Variants in FMNL2 observed in about 807,000 individuals in gnomAD.
FMNL2 encodes the protein formin-like protein 2.
A neutral mutation model predicts 130.2 loss-of-function variants in FMNL2; 51 were observed. That is an observed-to-expected ratio of 0.39 (90% confidence interval 0.31 to 0.49). The LOEUF (loss-of-function observed/expected upper bound fraction) is 0.49. Among genes scored for constraint, FMNL2 ranks in the 20% least tolerant of loss-of-function variants. The probability of loss-of-function intolerance (pLI) is 0.85; values close to 1 mark genes in which losing one functional copy is unlikely to be tolerated. For synonymous variants in FMNL2, 465 were observed against 467.1 expected (o/e 1.00, Z 0.06); for missense variants, 977 against 1,316.2 (o/e 0.74, Z 3.99).
At chr2:152,540,072 A>C (rs1476837486) in intron 2 of FMNL2, among the ~76,000 whole-genome samples, 1 of 152,196 alleles carries the variant, frequency 6.6e-6, no homozygotes, top group East Asian at 1.9e-4. Flanking sequence ...CCTGGGTGAC[A>C]GAGTGAGACT....
intron 1 of FMNL2, among the ~76,000 whole-genome samples, chr2:152,447,051 T>TA (rs1013165121): frequency 1.3e-4 from 20 of 151,086 alleles, no homozygotes; most frequent in Non-Finnish European, 8.9e-5. Context: ...GAGAAGAGTT[T>TA]AAAAAAAAGA....
intron 1 of FMNL2, among the ~76,000 whole-genome samples, chr2:152,359,998 G>GA (rs917801265): frequency 2.0e-5 from 3 of 152,182 alleles, no homozygotes; most frequent in Non-Finnish European, 4.4e-5. Context: ...GGAGGGCCTG[G>GA]AGTAGATACA....
rs1055307360 is a variant in FMNL2 at position 152,524,996 on chromosome 2, G to A, written c.201+2970G>A. Reference sequence around the variant, plus strand: ...GAGGAGCATGTGGAGTGAAGTGCGCGTCCCTTCGCCTTTCCTATCTGTTTC... The same window carrying A: ...GAGGAGCATGTGGAGTGAAGTGCGCATCCCTTCGCCTTTCCTATCTGTTTC... On this transcript the variant is annotated intron_variant, in intron 2 of 25. Coordinates refer to ENST00000288670, the MANE Select transcript of FMNL2 (RefSeq NM_052905.4). Among the ~76,000 whole-genome samples, 7 of 152,114 alleles carry A rather than the reference G, an allele frequency of 4.6e-5. No homozygotes were observed. In the East Asian group the frequency reaches 5.8e-4, roughly 13 times the overall value.
chr2:152,524,931 A>G (rs1028685669), intron 2 of FMNL2, among the ~76,000 whole-genome samples: 3 of 152,108 alleles, frequency 2.0e-5, no homozygotes, highest in South Asian at 2.1e-4. Context: ...TACTTTTTCT[A>G]TTGAAAAAGT....
intron 1 of FMNL2, among the ~76,000 whole-genome samples, chr2:152,432,940 A>G (rs927192432): frequency 6.6e-6 from 1 of 152,194 alleles, no homozygotes; most frequent in Admixed American, 6.5e-5. Flanking sequence ...TTCAGGTTGC[A>G]TGGCAGGCAT....
At chr2:152,356,495 T>C (rs983047730) in intron 1 of FMNL2, among the ~76,000 whole-genome samples, 3 of 152,212 alleles carry the variant, frequency 2.0e-5, no homozygotes. Flanking sequence ...TTGATCCTCA[T>C]TATATGTGAA....
intron 6 of FMNL2, among the ~76,000 whole-genome samples, chr2:152,562,072 C>T (rs546559970): frequency 1.8e-3 from 268 of 152,252 alleles, no homozygotes; most frequent in Non-Finnish European, 2.6e-3. Flanking sequence ...ATTTGTCAGG[C>T]GTAACACTTA....
At chr2:152,469,283 T>C (rs1689727167) in intron 1 of FMNL2, among the ~76,000 whole-genome samples, 1 of 152,226 alleles carries the variant, frequency 6.6e-6, no homozygotes, top group African/African-American at 2.4e-5. Flanking sequence ...CCTGATATCA[T>C]GTGTAACACC....
In FMNL2 at chr2:152,505,818, A is replaced by G. The variant is rs373474592; in HGVS notation, c.118-16125A>G. Among the ~76,000 whole-genome samples, 12 of 152,360 alleles carry G rather than the reference A, an allele frequency of 7.9e-5. 1 individual carries two copies. The East Asian group carries it at 1.5e-3, about 20-fold the overall frequency. On this transcript the variant is annotated intron_variant, in intron 1 of 25. Coordinates refer to ENST00000288670, the MANE Select transcript of FMNL2 (RefSeq NM_052905.4). ...CTTGCTTAGCTAGTAATACAAGCAG[A>G]CATTCATACCTTGATTTCTTCAACA...
chr2:152,505,314 T>G (rs1692104453), intron 1 of FMNL2, among the ~76,000 whole-genome samples: 1 of 152,180 alleles, frequency 6.6e-6, no homozygotes, highest in Non-Finnish European at 1.5e-5. Context: ...TGTTGTTTTG[T>G]ATGAAGAAAG....
intron 1 of FMNL2, among the ~76,000 whole-genome samples, chr2:152,402,534 GT>G (rs1174892065): frequency 6.6e-6 from 1 of 152,200 alleles, no homozygotes; most frequent in Non-Finnish European, 1.5e-5. Flanking sequence ...CTTTTGTGAT[GT>G]TTACTGGTCC....
At chr2:152,407,621 A>T (rs772639777) in intron 1 of FMNL2, among the ~76,000 whole-genome samples, 1 of 152,000 alleles carries the variant, frequency 6.6e-6, no homozygotes, top group Non-Finnish European at 1.5e-5. Flanking sequence ...CTGAATTTTG[A>T]ATTTTTATCT....
chr2:152,573,747 A>G (rs1350871725), intron 6 of FMNL2, among the ~76,000 whole-genome samples: 1 of 152,266 alleles, frequency 6.6e-6, no homozygotes, highest in East Asian at 1.9e-4. Flanking sequence ...ACCAAATACC[A>G]TACATTTTAG....
intron 1 of FMNL2, among the ~76,000 whole-genome samples, chr2:152,461,026 G>A (rs551347670): frequency 1.2e-4 from 19 of 152,242 alleles, no homozygotes; most frequent in African/African-American, 4.1e-4. Flanking sequence ...GATCTTCCAC[G>A]AAACCGGTCC....
intron 1 of FMNL2, among the ~76,000 whole-genome samples, chr2:152,494,084 T>C (rs1357545991): frequency 1.3e-5 from 2 of 152,166 alleles, no homozygotes; most frequent in Non-Finnish European, 2.9e-5. Context: ...CCTTTAACCA[T>C]CCACCCCAGG....
intron 1 of FMNL2, among the ~76,000 whole-genome samples, chr2:152,449,245 A>T (rs1688510895): frequency 6.6e-6 from 1 of 152,106 alleles, no homozygotes; most frequent in Admixed American, 6.6e-5. Context: ...GTTGCATGAT[A>T]GCCTCTTAGA....
intron 9 of FMNL2, among the ~76,000 whole-genome samples, chr2:152,600,929 C>T (rs764062149): frequency 6.6e-6 from 1 of 152,140 alleles, no homozygotes; most frequent in Non-Finnish European, 1.5e-5. Flanking sequence ...CAGCCAAGTG[C>T]ATTCCTCTGA....
chr2:152,482,923 G>C (rs571179594), intron 1 of FMNL2, among the ~76,000 whole-genome samples: 1 of 152,094 alleles, frequency 6.6e-6, no homozygotes, highest in East Asian at 1.9e-4. Context: ...GCCTCTTGTA[G>C]GCAGTCTCTC....
At chr2:152,395,367 T>A (rs967857960) in intron 1 of FMNL2, among the ~76,000 whole-genome samples, 1 of 152,210 alleles carries the variant, frequency 6.6e-6, no homozygotes, top group African/African-American at 2.4e-5. Context: ...TAGAACTAAA[T>A]GTCTTAATCC....
Sources: allele counts gnomAD v4.1 joint callset (sites outside exome capture counted in the v4.1 genomes callset), GRCh38; gene constraint gnomAD v4.1.1; transcripts MANE v1.5; gene names NCBI Gene and HGNC (gene_info 2026-07-23, HGNC 2026-07-21).